Variants in TAF3 observed in about 807,000 individuals in gnomAD.
The protein encoded by TAF3 is transcription initiation factor TFIID subunit 3.
In TAF3, 7 loss-of-function variants were observed where a neutral mutation model predicts 80.6. The observed-to-expected ratio is 0.09, with a 90% CI of 0.05 to 0.16. The LOEUF is 0.16. TAF3 is among the 10% of genes least tolerant of loss of function. The probability of loss-of-function intolerance (pLI) is 1.00; values close to 1 mark genes in which losing one functional copy is unlikely to be tolerated. For missense variants in TAF3, 921 were observed against 1,140.2 expected (o/e 0.81, Z 2.77); for synonymous variants, 444 against 446.1 (o/e 1.00, Z 0.06).
At chr10:7,844,378 CTTTT>C (rs370650612) in intron 2 of TAF3, among the ~76,000 whole-genome samples, 3 of 134,312 alleles carry the variant, frequency 2.2e-5, no homozygotes, top group Admixed American at 1.6e-4. Flanking sequence ...TCTTCTTGTT[CTTTT>C]TTTTTTTTTT....
intron 2 of TAF3, among the ~76,000 whole-genome samples, chr10:7,961,934 C>T (rs1831505456): frequency 6.6e-6 from 1 of 152,064 alleles, no homozygotes; most frequent in Non-Finnish European, 1.5e-5. Context: ...ATTGCAGCCT[C>T]AACCTTCTGG....
At chr10:7,887,523 A>G (rs1193140728) in intron 2 of TAF3, among the ~76,000 whole-genome samples, 1 of 152,002 alleles carries the variant, frequency 6.6e-6, no homozygotes, top group African/African-American at 2.4e-5. Flanking sequence ...TGCTGCTTTT[A>G]GGGAAAGGAA....
intron 2 of TAF3, among the ~76,000 whole-genome samples, chr10:7,897,328 A>G (rs1837514318): frequency 6.6e-6 from 1 of 152,114 alleles, no homozygotes; most frequent in Non-Finnish European, 1.5e-5. Context: ...TTATGTTGAT[A>G]TTTACTTTCC....
intron 1 of TAF3, 113 bp from the exon 2 acceptor site, chr10:7,824,205 G>C (rs1836718823): frequency 1.6e-6 from 2 of 1,220,032 alleles, no homozygotes; most frequent in African/African-American, 3.1e-5. Flanking sequence ...CAATAACTAG[G>C]TTAAAATGTT....
chr10:7,868,909 A>G (rs945707927), intron 2 of TAF3, among the ~76,000 whole-genome samples: 5 of 152,226 alleles, frequency 3.3e-5, no homozygotes, highest in African/African-American at 1.2e-4. Context: ...GAGCTAGGAA[A>G]TGCAGTGGCA....
chr10:7,823,862 T>G (rs11255381), intron 1 of TAF3, among the ~76,000 whole-genome samples: 25,714 of 151,594 alleles, frequency 0.17, 2,598 homozygotes, highest in East Asian at 0.51. Flanking sequence ...CTCGAACCCT[T>G]GACCTTGTGA....
intron 2 of TAF3, among the ~76,000 whole-genome samples, chr10:7,886,796 G>A (rs1333360714): frequency 1.3e-5 from 2 of 152,154 alleles, no homozygotes; most frequent in Admixed American, 6.5e-5. Flanking sequence ...ACTTGTGTAA[G>A]CCTTATTCAG....
chr10:7,855,584 A>G (rs1837070362), intron 2 of TAF3, among the ~76,000 whole-genome samples: 1 of 152,212 alleles, frequency 6.6e-6, no homozygotes, highest in African/African-American at 2.4e-5. Context: ...TCCCAAATAA[A>G]TAGCTCAATC....
In TAF3 at chr10:7,986,387, T is replaced by C. The variant is rs530643286; in HGVS notation, c.2315+9064T>C. Among the ~76,000 whole-genome samples, 27 of 152,320 alleles carry C rather than the reference T, an allele frequency of 1.8e-4. 1 individual carries two copies. In the East Asian group the frequency reaches 2.9e-3, roughly 16 times the overall value. ...GCATTATTTCCGCCAGTGTGGTTCT[T>C]CTTCTTTTTCGTATATGTTGGTGAT... On this transcript the variant is annotated intron_variant, in intron 4 of 6. Coordinates refer to ENST00000344293, the MANE Select transcript of TAF3 (RefSeq NM_031923.4).
At chr10:7,855,904 G>T (rs1356791908) in intron 2 of TAF3, among the ~76,000 whole-genome samples, 6 of 148,098 alleles carry the variant, frequency 4.1e-5, no homozygotes, top group Admixed American at 3.4e-4. Context: ...CCAATATAGC[G>T]AGACCCCATT....
chr10:7,824,719 C>A (rs946310300), intron 2 of TAF3, among the ~76,000 whole-genome samples, 159 bp downstream of exon 2: 4 of 152,184 alleles, frequency 2.6e-5, no homozygotes, highest in Non-Finnish European at 4.4e-5. Context: ...AACAAACTTG[C>A]AACTGACATT....
chr10:7,820,306 C>T (rs1836678354), intron 1 of TAF3, among the ~76,000 whole-genome samples: 1 of 152,150 alleles, frequency 6.6e-6, no homozygotes, highest in African/African-American at 2.4e-5. Context: ...TCTTTCCCCT[C>T]TCCAGGAGAA....
intron 2 of TAF3, among the ~76,000 whole-genome samples, chr10:7,864,254 A>C (rs1837187180): frequency 6.6e-6 from 1 of 152,098 alleles, no homozygotes. Context: ...CCTTACCCCA[A>C]CCTGTGGCAA....
At chr10:7,838,642 A>G (rs1836877094) in intron 2 of TAF3, among the ~76,000 whole-genome samples, 1 of 152,146 alleles carries the variant, frequency 6.6e-6, no homozygotes, top group South Asian at 2.1e-4. Context: ...TAGGCCTCTC[A>G]AAGTGTTGGG....
At chr10:7,831,878 T>G (rs1836803945) in intron 2 of TAF3, among the ~76,000 whole-genome samples, 1 of 152,084 alleles carries the variant, frequency 6.6e-6, no homozygotes, top group African/African-American at 2.4e-5. Flanking sequence ...GTATTTCTTT[T>G]CTTTTTTTAA....
chr10:7,977,174 A>G, intron 3 of TAF3, 67 bp from the exon 4 acceptor site: 2 of 1,438,860 alleles, frequency 1.4e-6, no homozygotes, highest in Middle Eastern at 1.7e-4. Context: ...GTGGGAGAGT[A>G]GGAGAAGTGG....
chr10:7,829,820 G>A (rs774625139), intron 2 of TAF3, among the ~76,000 whole-genome samples: 17 of 152,094 alleles, frequency 1.1e-4, no homozygotes, highest in Admixed American at 5.9e-4. Context: ...GGAGTTATGC[G>A]TCCCGCTTTG....
chr10:8,009,824 T>A lies in TAF3; in HGVS notation c.2568+494T>A, dbSNP rs1023278726. Among the ~76,000 whole-genome samples the A allele has an allele frequency of 6.6e-6, 1 of 152,114 alleles. No homozygotes were observed. Among genetic ancestry groups the A allele is most frequent in the Non-Finnish European group, 1.5e-5 (1 of 68,006 alleles). On this transcript the variant is annotated intron_variant, in intron 5 of 6. Transcript: ENST00000344293. The surrounding 1 kb of genome is among the most constrained non-coding windows in gnomAD (Gnocchi z 4.1). ...TTTTAGTAGAAACGGTTTCACCGTG[T>A]TAGCCAGGCTGGTCTCAAACTCCTG... is the stretch of plus-strand genomic sequence containing the variant.
intron 2 of TAF3, among the ~76,000 whole-genome samples, chr10:7,866,631 A>G (rs1022958466): frequency 6.6e-6 from 1 of 152,202 alleles, no homozygotes; most frequent in Non-Finnish European, 1.5e-5. Context: ...TCTGGTAATC[A>G]GGGAGAAGAA....
Sources: gnomAD v4.1 joint callset for allele counts (sites outside exome capture counted in the v4.1 genomes callset) on GRCh38, gnomAD v4.1.1 for gene constraint, Gnocchi (gnomAD v3.1) non-coding constraint, MANE v1.5 for transcripts, NCBI Gene and HGNC (gene_info 2026-07-23, HGNC 2026-07-21) for gene names.